Variants in DNAAF4 observed in about 807,000 individuals in gnomAD.
The protein encoded by DNAAF4 is dynein assembly factor 4, axonemal.
Under a neutral mutation model 51.8 loss-of-function variants are expected in DNAAF4, and 43 were observed. The ratio of observed to expected loss-of-function variants is 0.83; its 90% CI spans 0.65 to 1.07. The LOEUF is 1.07. Among genes scored for constraint, DNAAF4 ranks in the 50% least tolerant of loss-of-function variants. DNAAF4 has a pLI of 0.00. For missense variants in DNAAF4, 581 were observed against 493.0 expected (o/e 1.18, Z -1.69); for synonymous variants, 194 against 165.6 (o/e 1.17, Z -1.32).
chr15:55,453,772 C>T (rs1009636782), intron 5 of DNAAF4, among the ~76,000 whole-genome samples: 2 of 151,492 alleles, frequency 1.3e-5, no homozygotes, highest in South Asian at 2.1e-4. Flanking sequence ...GGATGGTCTC[C>T]ATCTCCTGAC....
intron 6 of DNAAF4, among the ~76,000 whole-genome samples, chr15:55,440,721 G>A (rs144191412): frequency 8.7e-5 from 13 of 148,620 alleles, no homozygotes; most frequent in African/African-American, 2.7e-4. Context: ...TCACTCAGCT[G>A]CCCAGGCTGG....
In DNAAF4 at chr15:55,434,555, G is replaced by A. The variant is rs753861932; in HGVS notation, c.1047+350C>T. ...TGTAGAGATATCTGGGCTGGGTGCC[G>A]GGCGCGGTGGCTCATGTCTGTAATC... On this transcript the variant is annotated intron_variant, in intron 8 of 9. Transcript: ENST00000321149. 1.2e-4 allele frequency among the ~76,000 whole-genome samples: 19 copies of A among 152,172 alleles called. 1 individual carries two copies. The highest frequency in any genetic ancestry group is 4.3e-4 in the African/African-American group (18 of 41,532).
intron 9 of DNAAF4, among the ~76,000 whole-genome samples, chr15:55,432,222 A>G (rs140292072): frequency 1.1e-4 from 16 of 152,272 alleles, no homozygotes; most frequent in African/African-American, 3.6e-4. Flanking sequence ...AAGTGCTGGG[A>G]TTACAGGCAT....
At chr15:55,495,909 G>A (rs1193028598) in intron 3 of DNAAF4, among the ~76,000 whole-genome samples, 1 of 152,098 alleles carries the variant, frequency 6.6e-6, no homozygotes, top group East Asian at 1.9e-4. Context: ...AGCTTAATAA[G>A]ACTACAGAGA....
intron 3 of DNAAF4, among the ~76,000 whole-genome samples, chr15:55,494,248 C>T (rs1200127252): frequency 6.6e-6 from 1 of 151,926 alleles, no homozygotes. Context: ...AGGCTGGTCT[C>T]GGACTCCCAA....
intron 6 of DNAAF4, among the ~76,000 whole-genome samples, chr15:55,445,354 G>A (rs1391284420): frequency 6.6e-6 from 1 of 152,046 alleles, no homozygotes. Context: ...GCACGGGGTT[G>A]GGGGTAAGGT....
intron 4 of DNAAF4, among the ~76,000 whole-genome samples, chr15:55,487,454 G>T (rs1405881145): frequency 2.6e-5 from 4 of 151,974 alleles, no homozygotes; most frequent in African/African-American, 9.7e-5. Context: ...GACAAATAAG[G>T]GAATAAAAGC....
rs572010498 is a variant in DNAAF4, at chr15:55,458,345, T to C, written c.638-7978A>G. Among the ~76,000 whole-genome samples, 100 of 151,658 alleles carry C rather than the reference T, an allele frequency of 6.6e-4. 1 individual carries two copies. Among genetic ancestry groups the C allele is most frequent in the African/African-American group, 2.1e-3 (85 of 41,384 alleles). On this transcript the variant is annotated intron_variant, in intron 5 of 9. Coordinates refer to ENST00000321149, the MANE Select transcript of DNAAF4 (RefSeq NM_130810.4). Reference sequence around the variant, plus strand: ...AGAAATAGATATTATAAAGAAAAAATAATCAAAACTTCTGGAAATGAAAGA... The same window carrying C: ...AGAAATAGATATTATAAAGAAAAAACAATCAAAACTTCTGGAAATGAAAGA...
At chr15:55,441,507 G>A (rs560639549) in intron 6 of DNAAF4, among the ~76,000 whole-genome samples, 1 of 151,960 alleles carries the variant, frequency 6.6e-6, no homozygotes, top group African/African-American at 2.4e-5. Flanking sequence ...TTGGTGTGCT[G>A]CACCCATTAA....
intron 1 of DNAAF4, among the ~76,000 whole-genome samples, chr15:55,507,312 T>A (rs986144271): frequency 6.6e-6 from 1 of 152,190 alleles, no homozygotes; most frequent in Non-Finnish European, 1.5e-5. Flanking sequence ...GTAAAACACC[T>A]AACCTACCAA....
At chr15:55,455,276 G>C (rs1168630617) in intron 5 of DNAAF4, among the ~76,000 whole-genome samples, 5 of 147,828 alleles carry the variant, frequency 3.4e-5, no homozygotes, top group African/African-American at 9.9e-5. Context: ...ATATAGGTCT[G>C]GTACAATTTG....
intron 7 of DNAAF4, among the ~76,000 whole-genome samples, chr15:55,424,882 G>T (rs1163643498): frequency 1.3e-5 from 2 of 149,686 alleles, no homozygotes; most frequent in Non-Finnish European, 3.0e-5. Flanking sequence ...TTTTTTTGGA[G>T]ATGGAGTTTT....
chr15:55,465,391 T>TACAAAC (rs1225166580), intron 5 of DNAAF4, among the ~76,000 whole-genome samples: 1 of 147,838 alleles, frequency 6.8e-6, no homozygotes, highest in African/African-American at 2.5e-5. Context: ...ATGGTGTATA[T>TACAAAC]ATACACACAC....
intron 4 of DNAAF4, among the ~76,000 whole-genome samples, chr15:55,490,313 G>A (rs1459644712): frequency 2.0e-5 from 3 of 152,010 alleles, no homozygotes; most frequent in Non-Finnish European, 4.4e-5. Flanking sequence ...TTTGGGGGGT[G>A]ATGAAAATGT....
chr15:55,443,875 C>T (rs1296410687), intron 6 of DNAAF4, among the ~76,000 whole-genome samples: 1 of 152,170 alleles, frequency 6.6e-6, no homozygotes, highest in Admixed American at 6.6e-5. Flanking sequence ...ATATCCTTCA[C>T]CCATGTTTCG....
At chr15:55,488,123 T>C (rs1025415381) in intron 4 of DNAAF4, among the ~76,000 whole-genome samples, 1 of 150,068 alleles carries the variant, frequency 6.7e-6, no homozygotes, top group Non-Finnish European at 1.5e-5. Flanking sequence ...TCTTTTTCTT[T>C]TTTTTTTTTT....
In DNAAF4 at chr15:55,460,774, T is replaced by C. The variant is rs538871992; in HGVS notation, c.637+6156A>G. ...ACAAAACAAGTCTCAATAATTTTTT[T>C]TTTTTTTTGAGACAGAGCCTCGCTT... On this transcript the variant is annotated intron_variant, in intron 5 of 9. Coordinates refer to ENST00000321149, the MANE Select transcript of DNAAF4 (RefSeq NM_130810.4). Among the ~76,000 whole-genome samples, 11 of 152,128 alleles carry C rather than the reference T, an allele frequency of 7.2e-5. No homozygotes were observed. The East Asian group carries it at 1.9e-3, about 27-fold the overall frequency.
chr15:55,435,290 G>A (rs1156796487), intron 7 of DNAAF4, among the ~76,000 whole-genome samples: 3 of 144 alleles, frequency 0.021, no homozygotes, highest in African/African-American at 0.06. Flanking sequence ...AAGCCAGTAG[G>A]GCATATTTGC....
At chr15:55,496,056 T>C (rs1213795400) in intron 3 of DNAAF4, among the ~76,000 whole-genome samples, 1 of 152,072 alleles carries the variant, frequency 6.6e-6, no homozygotes, top group African/African-American at 2.4e-5. Flanking sequence ...TAGTGAAACC[T>C]TGTCTCTACT....
Sources: gnomAD v4.1 joint callset for allele counts (sites outside exome capture counted in the v4.1 genomes callset) on GRCh38, gnomAD v4.1.1 for gene constraint, MANE v1.5 for transcripts, NCBI Gene and HGNC (gene_info 2026-07-23, HGNC 2026-07-21) for gene names.